AGBL5: variants seen among roughly 807,000 people sequenced by gnomAD.
AGBL5 encodes AGBL carboxypeptidase 5.
In AGBL5, 51 loss-of-function variants were observed where a neutral mutation model predicts 88.0. The observed-to-expected ratio is 0.58, with a 90% confidence interval of 0.46 to 0.73. AGBL5 has a LOEUF of 0.73. Among genes scored for constraint, AGBL5 ranks in the 30% least tolerant of loss-of-function variants. The pLI, the probability that AGBL5 is intolerant of heterozygous loss-of-function variation, is 0.00. For missense variants in AGBL5, 1,031 were observed against 1,162.2 expected (o/e 0.89, Z 1.64); for synonymous variants, 446 against 438.8 (o/e 1.02, Z -0.21).
intron 7 of AGBL5, 94 bp downstream of exon 7, chr2:27,056,232 G>C: frequency 7.2e-7 from 1 of 1,395,158 alleles, no homozygotes; most frequent in South Asian, 1.3e-5. Context: ...GCCTTAGGTA[G>C]CTTTCTGGAA....
At chr2:27,050,847 C>G (rs762760925), upstream of AGBL5, among the ~76,000 whole-genome samples, 2 of 152,222 alleles carry the variant, frequency 1.3e-5, no homozygotes, top group Non-Finnish European at 2.9e-5. Flanking sequence ...CCTTAGGTCG[C>G]TGGTTCGATT....
intron 11 of AGBL5, among the ~76,000 whole-genome samples, chr2:27,063,594 CAAA>C (rs35412258): frequency 2.9e-5 from 4 of 138,942 alleles, no homozygotes; most frequent in African/African-American, 2.7e-5. Flanking sequence ...GACTCCGTCT[CAAA>C]AAAAAAAAAA....
At chr2:27,069,143 G>A (rs556274291) in intron 13 of AGBL5, 36 of 1,338,688 alleles carry the variant, frequency 2.7e-5, no homozygotes, top group South Asian at 2.1e-4. Context: ...CACCAACTCC[G>A]ATTCAGTCCA....
chr2:27,068,549 C>A, intron 12 of AGBL5, 83 bp from the exon 13 acceptor site: 1 of 1,250,138 alleles, frequency 8.0e-7, no homozygotes, highest in Non-Finnish European at 1.1e-6. Context: ...GTCAACGTGC[C>A]AAGGTTAAGA....
rs760781014 is a variant in AGBL5, at chr2:27,058,618, TAGG to T, written c.1874+20_1874+22del. 22 of 1,612,918 alleles carry T rather than the reference TAGG, an allele frequency of 1.4e-5. No individual in the cohort carries two copies. The highest frequency in any genetic ancestry group is 1.3e-4 in the East Asian group (6 of 44,892). ...AAAGTCACAAGTAAGGCCAGCAAAA[TAGG>T]AGGGAGAAAGGGTAGGACAGTGGGA... On this transcript the variant is annotated intron_variant, in intron 10 of 14. Coordinates refer to ENST00000360131, the MANE Select transcript of AGBL5 (RefSeq NM_021831.6).
chr2:27,064,804 G>C (rs1257421376), intron 11 of AGBL5, among the ~76,000 whole-genome samples: 1 of 135,520 alleles, frequency 7.4e-6, no homozygotes, highest in Non-Finnish European at 1.5e-5. Flanking sequence ...GCCCAGGCTG[G>C]AGTGCAGTGG....
Position 27,070,173 on chromosome 2 carries a change from C to T in AGBL5, c.2571C>T (p.Ser857=), listed in dbSNP as rs80197776. The change falls in exon 15 of 15, where the codon TCC becomes TCT. Residue 857 remains serine (S), a synonymous_variant. Coordinates refer to ENST00000360131, the MANE Select transcript of AGBL5 (RefSeq NM_021831.6). ...CCTGTAGTCTATCTGACTCCCCATCCTGGAATTGTTACAGCAGGGGTCCCT... is the reference window on the plus strand; with the variant it reads ...CCTGTAGTCTATCTGACTCCCCATCTTGGAATTGTTACAGCAGGGGTCCCT... ...PISCSLSDSP[S]WNCYSRGPLG... 0.019 allele frequency: 30,442 copies of T among 1,614,228 alleles called. 401 individuals carry two copies. Among genetic ancestry groups the T allele is most frequent in the Middle Eastern group, 0.054 (326 of 6,062 alleles).
At chr2:27,069,866 C>G (rs1451366147) in intron 14 of AGBL5, 160 bp downstream of exon 14, 1 of 985,202 alleles carries the variant, frequency 1.0e-6, no homozygotes, top group Non-Finnish European at 1.2e-6. Flanking sequence ...TTTTCCCCCA[C>G]CATGGCCAAG....
chr2:27,054,282 G>A (rs550221883), intron 4 of AGBL5: 10 of 568,174 alleles, frequency 1.8e-5, no homozygotes, highest in Non-Finnish European at 3.0e-5. Flanking sequence ...GCCCAGTTCA[G>A]ACCTCTTACT....
rs75365783 is a variant in AGBL5, at chr2:27,055,520, G to A, written c.909-162G>A. ...TTAGGGTTCTATGGTAAGGGTGACA[G>A]CAGATCAAAGAGAGGCCCTGTCTTC... On this transcript the variant is annotated intron_variant, in intron 6 of 14. Coordinates refer to ENST00000360131, the MANE Select transcript of AGBL5 (RefSeq NM_021831.6). 4 of 815,216 alleles carry A rather than the reference G, an allele frequency of 4.9e-6. No individual in the cohort carries two copies. The East Asian group carries it at 1.1e-4, about 22-fold the overall frequency. The allele number at this position is 815,216 out of a possible 1,614,324, so 50.5% of individuals were successfully genotyped here.
At position 27,057,574 on chromosome 2, in the gene AGBL5, C is replaced by T. The variant is rs961845421; in HGVS notation, c.1671+136C>T. ...CCGTCTCACCACTATGATTATTTTC[C>T]TCAGTTAACAGGAGCATAACTACAA... On this transcript the variant is annotated intron_variant, in intron 9 of 14. Coordinates refer to ENST00000360131, the MANE Select transcript of AGBL5 (RefSeq NM_021831.6). The T allele has an allele frequency of 4.6e-6, 5 of 1,085,480 alleles. No homozygotes were observed. The East Asian group carries it at 8.2e-5, about 18-fold the overall frequency. 67.2% of individuals were successfully genotyped at this position (1,085,480 alleles called of 1,614,324 possible). A position where few individuals can be genotyped will look rare whatever the true frequency, so the allele number is the denominator to read the frequency against.
intron 12 of AGBL5, chr2:27,067,974 T>G: frequency 4.9e-6 from 2 of 408,000 alleles, no homozygotes; most frequent in South Asian, 4.4e-5. Context: ...TGGGCAACAC[T>G]AGACAAAACA....
chr2:27,058,430 G>C lies in AGBL5; in HGVS notation c.1702G>C (p.Asp568His), dbSNP rs1668545945. 6.2e-7 allele frequency: 1 copy of C among 1,613,568 alleles called. No homozygotes were observed. Among genetic ancestry groups the C allele is most frequent in the East Asian group, 2.2e-5 (1 of 44,890 alleles). ...ACGAGCTATGGCCATTGCAGCCCTG[G>C]ACATGGCGGAATGTAATCCGTGGCC... ...VGRAMAIAAL[D>H]MAECNPWPRI... The change falls in exon 10 of 15, where the codon GAC becomes CAC. Residue 568 changes from aspartate (D) to histidine (H), a missense_variant. Asp to His is a moderately conservative substitution (Grantham distance 81). Around this residue, in one of 2 missense-constraint regions of AGBL5, gnomAD observed 491 missense variants for 484.0 expected, o/e 1.01. Coordinates refer to ENST00000360131, the MANE Select transcript of AGBL5 (RefSeq NM_021831.6).
At chr2:27,055,631 C>A in intron 6 of AGBL5, 51 bp from the exon 7 acceptor site, 1 of 1,540,216 alleles carries the variant, frequency 6.5e-7, no homozygotes, top group Non-Finnish European at 8.9e-7. Context: ...CTAGTGTCTC[C>A]TTCACTGGCC....
At chr2:27,065,263 C>G (rs905499726) in intron 11 of AGBL5, among the ~76,000 whole-genome samples, 3 of 152,154 alleles carry the variant, frequency 2.0e-5, no homozygotes, top group African/African-American at 7.2e-5. Context: ...ACCTGCTGTT[C>G]CTCTGTGATG....
chr2:27,051,241 T>C (rs962112778), upstream of AGBL5, among the ~76,000 whole-genome samples: 3 of 152,170 alleles, frequency 2.0e-5, no homozygotes, highest in African/African-American at 4.8e-5. Flanking sequence ...GGTAGAGCGC[T>C]CGCTTAGCAT....
intron 6 of AGBL5, 96 bp from the exon 7 acceptor site, chr2:27,055,586 T>C (rs1363777830): frequency 1.8e-6 from 2 of 1,137,744 alleles, no homozygotes; most frequent in African/African-American, 3.1e-5. Context: ...TCTCATTTGA[T>C]AAGTCAGTCT....
At chr2:27,054,184 C>T in intron 4 of AGBL5, 125 bp downstream of exon 4, 1 of 1,243,936 alleles carries the variant, frequency 8.0e-7, no homozygotes, top group Non-Finnish European at 1.1e-6. Flanking sequence ...ACAGAATGTA[C>T]AGACAGGACT....
rs1668402351 is a variant in AGBL5 at position 27,055,885 on chromosome 2, T to A, written c.1112T>A (p.Leu371His). 1 of 1,613,840 alleles carries A rather than the reference T, an allele frequency of 6.2e-7. No homozygotes were observed. ...PVSDLEKANN[L>H]QNEAQCGHSA... ...TCTGACCTGGAGAAAGCCAACAATC[T>A]CCAAAATGAAGCTCAGTGTGGGCAC... The change falls in exon 7 of 15, where the codon CTC becomes CAC. Residue 371 changes from leucine (L) to histidine (H), a missense_variant. By Grantham distance (99) the Leu-to-His change is moderately conservative. Coordinates refer to ENST00000360131, the MANE Select transcript of AGBL5 (RefSeq NM_021831.6).
Sources: gnomAD v4.1 joint callset for allele counts (sites outside exome capture counted in the v4.1 genomes callset) on GRCh38, gnomAD v4.1.1 for gene constraint, gnomAD v4.1.1 regional missense constraint, MANE v1.5 for transcripts, NCBI Gene and HGNC (gene_info 2026-07-23, HGNC 2026-07-21) for gene names.